The following RABGAP1 variants were observed in gnomAD, a reference collection of about 807,000 sequenced individuals.
The protein encoded by RABGAP1 is rab GTPase-activating protein 1.
RABGAP1 carries 23 observed loss-of-function variants against 137.6 expected under a neutral mutation model. The ratio of observed to expected loss-of-function variants is 0.17; its 90% CI spans 0.12 to 0.24. The LOEUF (loss-of-function observed/expected upper bound fraction) is 0.24, where lower values mean the gene tolerates loss of function less well. Among genes scored for constraint, RABGAP1 ranks in the 10% least tolerant of loss-of-function variants. The pLI, the probability that RABGAP1 is intolerant of heterozygous loss-of-function variation, is 1.00. For missense variants in RABGAP1, 906 were observed against 1,275.8 expected (o/e 0.71, Z 4.42); for synonymous variants, 451 against 450.7 (o/e 1.00, Z -0.01).
chr9:122,979,274 C>G (rs1835929967), intron 2 of RABGAP1, among the ~76,000 whole-genome samples: 1 of 152,102 alleles, frequency 6.6e-6, no homozygotes, highest in Admixed American at 6.6e-5. Flanking sequence ...TGTTGAGTTT[C>G]TTTTTATGTG....
Position 123,058,016 on chromosome 9 carries a change from T to TCGGCTCGGCATCAGAGGGAGAC in RABGAP1, c.1795-7329_1795-7308dup, listed in dbSNP as rs2033807784. 9.1e-5 allele frequency among the ~76,000 whole-genome samples: 12 copies of TCGGCTCGGCATCAGAGGGAGAC among 132,414 alleles called. 1 individual carries two copies. In the South Asian group the frequency reaches 3.1e-3, roughly 34 times the overall value. The allele number at this position is 132,414 out of a possible 152,430, so 86.9% of individuals were successfully genotyped here. A position where few individuals can be genotyped will look rare whatever the true frequency, so the allele number is the denominator to read the frequency against. On this transcript the variant is annotated intron_variant, in intron 13 of 25. Coordinates refer to ENST00000373647, the MANE Select transcript of RABGAP1 (RefSeq NM_012197.4). ...GAGACGGCAGCAGCACAGTCCAGCC[T>TCGGCTCGGCATCAGAGGGAGAC]CGGCTCGGCATCAGAGGGAGACCGT...
chr9:122,942,842 T>A (rs139002824), intron 1 of RABGAP1, among the ~76,000 whole-genome samples: 23 of 152,104 alleles, frequency 1.5e-4, no homozygotes, highest in African/African-American at 5.5e-4. Flanking sequence ...TAACTCAGAT[T>A]CATAATTAAA....
chr9:123,065,725 T>G (rs1283071953), intron 14 of RABGAP1: 1 of 401,128 alleles, frequency 2.5e-6, no homozygotes, highest in Non-Finnish European at 4.7e-6. Flanking sequence ...ATTTAGACTT[T>G]CAAAATTTGT....
chr9:122,975,515 G>A (rs1835718660), intron 2 of RABGAP1, among the ~76,000 whole-genome samples: 1 of 152,214 alleles, frequency 6.6e-6, no homozygotes, highest in South Asian at 2.1e-4. Context: ...AAGGACAAAT[G>A]TTATTCCAGT....
At chr9:122,960,535 A>G (rs1459528029) in intron 2 of RABGAP1, among the ~76,000 whole-genome samples, 1 of 152,212 alleles carries the variant, frequency 6.6e-6, no homozygotes, top group Non-Finnish European at 1.5e-5. Flanking sequence ...ATCAACAATA[A>G]CAAATCTTGC....
intron 6 of RABGAP1, chr9:122,990,813 A>G (rs1216137155): frequency 8.9e-6 from 1 of 112,694 alleles, no homozygotes; most frequent in African/African-American, 3.6e-5. Flanking sequence ...ATATATATAT[A>G]TATATATATA....
intron 6 of RABGAP1, 32 bp from the exon 7 acceptor site, chr9:122,996,009 T>G (rs1220165030): frequency 1.3e-6 from 2 of 1,551,658 alleles, no homozygotes; most frequent in South Asian, 2.5e-5. Flanking sequence ...AGAAAATGCT[T>G]TGCAAAATTA....
At chr9:122,959,616 A>T (rs1834743001) in intron 2 of RABGAP1, among the ~76,000 whole-genome samples, 1 of 152,196 alleles carries the variant, frequency 6.6e-6, no homozygotes, top group Non-Finnish European at 1.5e-5. Flanking sequence ...AGGGGCAAGA[A>T]CCTGTTATTG....
At chr9:123,007,700 G>A (rs888762618) in intron 10 of RABGAP1, among the ~76,000 whole-genome samples, 7 of 150,982 alleles carry the variant, frequency 4.6e-5, no homozygotes, top group South Asian at 2.1e-4. Context: ...ACAGGCATGA[G>A]CCATCATGCC....
intron 3 of RABGAP1, among the ~76,000 whole-genome samples, chr9:122,985,347 G>A (rs1836312450): frequency 6.6e-6 from 1 of 152,238 alleles, no homozygotes; most frequent in Non-Finnish European, 1.5e-5. Context: ...GGGCGCAGTG[G>A]CTCACGCCTG....
At chr9:123,099,062 A>G (rs2035266775) in intron 23 of RABGAP1, among the ~76,000 whole-genome samples, 1 of 152,254 alleles carries the variant, frequency 6.6e-6, no homozygotes, top group Non-Finnish European at 1.5e-5. Flanking sequence ...GTAGGTACTT[A>G]AAACCACAGT....
chr9:122,989,027 CTG>C (rs1189882239), intron 4 of RABGAP1, among the ~76,000 whole-genome samples: 2 of 148,240 alleles, frequency 1.3e-5, no homozygotes, highest in Non-Finnish European at 3.0e-5. Flanking sequence ...TTGTAGCAGA[CTG>C]TATAAGAAAT....
chr9:122,990,305 C>A, intron 6 of RABGAP1, 92 bp downstream of exon 6: 2 of 1,124,472 alleles, frequency 1.8e-6, no homozygotes, highest in Non-Finnish European at 2.4e-6. Flanking sequence ...AAAATGATGG[C>A]TTTTAAAGGG....
At chr9:122,941,266 G>T (rs565734102) in intron 1 of RABGAP1, among the ~76,000 whole-genome samples, 173 bp downstream of exon 1, 3 of 152,154 alleles carry the variant, frequency 2.0e-5, no homozygotes, top group South Asian at 2.1e-4. Flanking sequence ...GCCGTGATTG[G>T]GGGGAGGGGG....
At position 123,010,437 on chromosome 9, in the gene RABGAP1, G is replaced by C. The variant is rs1214550804; in HGVS notation, c.1458G>C (p.Arg486Ser). The C allele has an allele frequency of 1.2e-6, 2 of 1,611,446 alleles. No individual in the cohort carries two copies. The highest frequency in any genetic ancestry group is 2.7e-5 in the African/African-American group (2 of 74,822). The part of the protein sequence containing the change: ...CLESESERER[R>S]KTTASPSVRL... The stretch of plus-strand genomic sequence containing the variant: ...AAAGTGAATCAGAAAGAGAGAGGAG[G>C]AAAACTACAGCCAGTCCTTCAGTTC... Residue 486 changes from arginine (R) to serine (S), a missense_variant, in exon 11 of 26, where the codon AGG (arginine) becomes AGC (serine). This residue lies in a region of RABGAP1 where 212 missense variants were observed against 289.4 expected (regional missense o/e 0.73). Transcript: ENST00000373647.
upstream of RABGAP1, among the ~76,000 whole-genome samples, chr9:122,936,906 T>A (rs1327846380): frequency 6.6e-6 from 1 of 152,108 alleles, no homozygotes; most frequent in Non-Finnish European, 1.5e-5. Flanking sequence ...ACCTTAAGCT[T>A]TCACCCGAGG....
chr9:122,973,972 A>G (rs1228726319), intron 2 of RABGAP1, among the ~76,000 whole-genome samples: 2 of 151,554 alleles, frequency 1.3e-5, no homozygotes, highest in Non-Finnish European at 2.9e-5. Flanking sequence ...ACGCCACTGC[A>G]CTCCAGCCTG....
chr9:123,043,905 T>C (rs1032646164), intron 13 of RABGAP1, among the ~76,000 whole-genome samples: 4 of 148,780 alleles, frequency 2.7e-5, no homozygotes, highest in South Asian at 4.2e-4. Context: ...ATTTTCTTTT[T>C]TTTTTTTTTT....
rs557960866 is a variant in RABGAP1, at chr9:122,973,893, C to T, written c.151-10592C>T. Among the ~76,000 whole-genome samples, 389 of 152,110 alleles carry T rather than the reference C, an allele frequency of 2.6e-3. 2 individuals are homozygous for T. The highest frequency in any genetic ancestry group is 8.8e-3 in the African/African-American group (366 of 41,518). On this transcript the variant is annotated intron_variant, in intron 2 of 25. Transcript: ENST00000373647. The stretch of plus-strand genomic sequence containing the variant: ...GGCGTGGTGGCATGCACCTGTAATC[C>T]CAGCTACTCCGGAGGCTGAGGCAGG...
Sources: gnomAD v4.1 joint callset for allele counts (sites outside exome capture counted in the v4.1 genomes callset) on GRCh38, gnomAD v4.1.1 for gene constraint, gnomAD v4.1.1 regional missense constraint, MANE v1.5 for transcripts, NCBI Gene and HGNC (gene_info 2026-07-23, HGNC 2026-07-21) for gene names.